Variants in RIMS2 observed in about 807,000 individuals in gnomAD.
RIMS2 encodes regulating synaptic membrane exocytosis protein 2.
In RIMS2, 59 loss-of-function variants were observed where a neutral mutation model predicts 174.4. That is an observed-to-expected ratio of 0.34 (90% CI 0.27 to 0.42). The LOEUF (loss-of-function observed/expected upper bound fraction) is 0.42, where lower values mean the gene tolerates loss of function less well. Among genes scored for constraint, RIMS2 ranks in the 10% least tolerant of loss-of-function variants. The pLI is 1.00. For synonymous variants in RIMS2, 606 were observed against 572.5 expected, an observed-to-expected ratio of 1.06 and a Z score of -0.84; for missense variants, 1,620 against 1,666.3, an observed-to-expected ratio of 0.97 and a Z score of 0.48.
At chr8:103,608,172 T>G (rs2095212774) in intron 1 of RIMS2, among the ~76,000 whole-genome samples, 1 of 144,996 alleles carries the variant, frequency 6.9e-6, no homozygotes, top group Non-Finnish European at 1.5e-5. Flanking sequence ...TACAGATGGG[T>G]TTTTGGTGTG....
At chr8:103,734,177 T>A (rs1364299557) in intron 2 of RIMS2, among the ~76,000 whole-genome samples, 7 of 151,754 alleles carry the variant, frequency 4.6e-5, no homozygotes, top group Non-Finnish European at 7.4e-5. Flanking sequence ...CACACCCAGC[T>A]AATTTTTGTA....
chr8:103,866,048 T>C (rs748160496), intron 3 of RIMS2, among the ~76,000 whole-genome samples: 1 of 152,142 alleles, frequency 6.6e-6, no homozygotes, highest in Non-Finnish European at 1.5e-5. Context: ...CCAGATTAGG[T>C]TTTTTATTCT....
chr8:103,699,430 G>T (rs1464940675), intron 2 of RIMS2, among the ~76,000 whole-genome samples: 1 of 151,876 alleles, frequency 6.6e-6, no homozygotes, highest in African/African-American at 2.4e-5. Flanking sequence ...GGGTCTTGCT[G>T]TGTTGCCCAG....
chr8:103,566,300 G>T (rs2092338416), intron 1 of RIMS2, among the ~76,000 whole-genome samples: 1 of 152,108 alleles, frequency 6.6e-6, no homozygotes, highest in Admixed American at 6.5e-5. Context: ...ACTGTTGCCT[G>T]GTATTTCCTA....
chr8:103,608,933 T>C (rs2095262097), intron 1 of RIMS2, among the ~76,000 whole-genome samples: 2 of 152,336 alleles, frequency 1.3e-5, no homozygotes, highest in Middle Eastern at 3.4e-3. Flanking sequence ...CAGATGGAAA[T>C]GCAGAAATCA....
chr8:103,861,477 T>G (rs2099058741), intron 3 of RIMS2, among the ~76,000 whole-genome samples: 2 of 152,102 alleles, frequency 1.3e-5, no homozygotes, highest in South Asian at 4.1e-4. Context: ...AATGATTTAT[T>G]TTCGTCTGGG....
intron 19 of RIMS2, among the ~76,000 whole-genome samples, chr8:104,178,770 C>T (rs371098724): frequency 6.7e-4 from 102 of 151,626 alleles, no homozygotes; most frequent in African/African-American, 2.3e-3. Flanking sequence ...TTTTCTACTA[C>T]GCTTCAGGGA....
At chr8:104,164,917 A>G (rs922110899) in intron 19 of RIMS2, among the ~76,000 whole-genome samples, 3 of 152,188 alleles carry the variant, frequency 2.0e-5, no homozygotes, top group African/African-American at 2.4e-5. Flanking sequence ...ATGTTTACCT[A>G]TGTAACAAAC....
intron 3 of RIMS2, among the ~76,000 whole-genome samples, chr8:103,864,141 T>C (rs1006596604): frequency 2.0e-5 from 3 of 152,134 alleles, no homozygotes; most frequent in African/African-American, 7.2e-5. Context: ...ACTTTCATAT[T>C]ACTGATTCCT....
intron 3 of RIMS2, among the ~76,000 whole-genome samples, chr8:103,786,525 T>C (rs977423523): frequency 5.9e-5 from 9 of 152,252 alleles, no homozygotes; most frequent in Admixed American, 2.0e-4. Flanking sequence ...CACTTCGTTA[T>C]GTACCCAGTA....
intron 19 of RIMS2, among the ~76,000 whole-genome samples, chr8:104,037,796 A>C (rs2096545069): frequency 6.6e-6 from 1 of 152,142 alleles, no homozygotes; most frequent in Admixed American, 6.5e-5. Flanking sequence ...TACATGCATT[A>C]ATATCTATAT....
intron 19 of RIMS2, among the ~76,000 whole-genome samples, chr8:104,018,183 C>G (rs558630023): frequency 2.6e-5 from 4 of 152,024 alleles, no homozygotes; most frequent in African/African-American, 9.7e-5. Flanking sequence ...TTATATTTTT[C>G]TTTACTTTTG....
chr8:103,647,656 G>A (rs1355362090), intron 1 of RIMS2, among the ~76,000 whole-genome samples: 1 of 151,996 alleles, frequency 6.6e-6, no homozygotes, highest in Non-Finnish European at 1.5e-5. Context: ...CCTTGGGTAG[G>A]TGTATGTGTC....
At position 103,607,370 on chromosome 8, in the gene RIMS2, C is replaced by T. The variant is rs535633616; in HGVS notation, c.177-89716C>T. Among the ~76,000 whole-genome samples, 130 of 151,900 alleles carry T rather than the reference C, an allele frequency of 8.6e-4. No homozygotes were observed. The South Asian group carries it at 0.011, about 13-fold the overall frequency. Reference sequence around the variant, plus strand: ...CTTGTAGGGTTTCTGCTGAGAGATCCGCTGTTAGTCTGATGGGCTTCCCTT... The same window carrying T: ...CTTGTAGGGTTTCTGCTGAGAGATCTGCTGTTAGTCTGATGGGCTTCCCTT... On this transcript the variant is annotated intron_variant, in intron 1 of 23. Coordinates refer to ENST00000504942, the Ensembl canonical transcript of RIMS2.
intron 19 of RIMS2, among the ~76,000 whole-genome samples, chr8:104,165,148 C>T (rs79950552): frequency 0.082 from 12,550 of 152,212 alleles, 1,115 homozygotes; most frequent in East Asian, 0.49. Context: ...ATACAGGATC[C>T]TCTTTAAACT....
chr8:103,975,585 T>C (rs2093342637), intron 16 of RIMS2, 79 bp downstream of exon 18: 1 of 949,698 alleles, frequency 1.1e-6, no homozygotes, highest in Non-Finnish European at 1.6e-6. Context: ...TAATAGGATA[T>C]ATGTATATAC....
At chr8:103,973,089 C>A (rs2093059457) in intron 15 of RIMS2, among the ~76,000 whole-genome samples, 1 of 152,160 alleles carries the variant, frequency 6.6e-6, no homozygotes, top group African/African-American at 2.4e-5. Context: ...CTTCTTGCTG[C>A]AATCTCTCTA....
chr8:104,050,762 G>T (rs1235096520), intron 19 of RIMS2, among the ~76,000 whole-genome samples: 3 of 152,098 alleles, frequency 2.0e-5, no homozygotes, highest in Non-Finnish European at 4.4e-5. Flanking sequence ...TTTCTGAGTT[G>T]AAATGAAAGA....
intron 2 of RIMS2, among the ~76,000 whole-genome samples, chr8:103,699,008 G>A (rs1003581168): frequency 6.6e-6 from 1 of 152,158 alleles, no homozygotes; most frequent in Admixed American, 6.5e-5. Context: ...AGGTTTTTAA[G>A]TAAGGTTTGT....
Sources: gnomAD v4.1 joint callset for allele counts (sites outside exome capture counted in the v4.1 genomes callset) on GRCh38, gnomAD v4.1.1 for gene constraint, MANE v1.5 for transcripts, NCBI Gene and HGNC (gene_info 2026-07-23, HGNC 2026-07-21) for gene names.